TNFRSF21: variants seen among roughly 807,000 people sequenced by gnomAD.
TNFRSF21 encodes TNF receptor superfamily member 21.
Under a neutral mutation model 45.6 loss-of-function variants are expected in TNFRSF21, and 19 were observed. That is an observed-to-expected ratio of 0.42 (90% CI 0.29 to 0.61). TNFRSF21 has a LOEUF of 0.61. TNFRSF21 is among the 20% of genes least tolerant of loss of function. TNFRSF21 has a pLI of 0.23. For synonymous variants in TNFRSF21, 314 were observed against 335.5 expected, an observed-to-expected ratio of 0.94 and a Z score of 0.70; for missense variants, 737 against 851.5, an observed-to-expected ratio of 0.87 and a Z score of 1.67.
At chr6:47,252,640 G>A (rs757292990) in intron 4 of TNFRSF21, among the ~76,000 whole-genome samples, 13 of 152,196 alleles carry the variant, frequency 8.5e-5, no homozygotes, top group Non-Finnish European at 1.5e-4. Flanking sequence ...AAGCTAATAT[G>A]TACCAGAGCC....
At chr6:47,249,138 C>A (rs561429152) in intron 4 of TNFRSF21, among the ~76,000 whole-genome samples, 1 of 152,336 alleles carries the variant, frequency 6.6e-6, no homozygotes, top group South Asian at 2.1e-4. Flanking sequence ...CTCCTCCCAA[C>A]CTCTTGGATT....
intron 3 of TNFRSF21, among the ~76,000 whole-genome samples, chr6:47,268,735 G>A (rs770011684): frequency 2.0e-5 from 3 of 152,006 alleles, no homozygotes; most frequent in Non-Finnish European, 4.4e-5. Flanking sequence ...AACCATTACC[G>A]GTGTCATCCA....
intron 4 of TNFRSF21, among the ~76,000 whole-genome samples, chr6:47,236,779 T>A (rs894675959): frequency 7.2e-5 from 11 of 152,218 alleles, no homozygotes; most frequent in Admixed American, 6.5e-5. Flanking sequence ...CCAACACACT[T>A]TTTTAATTCA....
At chr6:47,259,840 G>C (rs1765046236) in intron 3 of TNFRSF21, among the ~76,000 whole-genome samples, 1 of 152,200 alleles carries the variant, frequency 6.6e-6, no homozygotes, top group Non-Finnish European at 1.5e-5. Flanking sequence ...AGGATGGGAA[G>C]GATCAGGTAG....
chr6:47,246,562 C>G (rs1486622161), intron 4 of TNFRSF21, among the ~76,000 whole-genome samples: 1 of 152,134 alleles, frequency 6.6e-6, no homozygotes, highest in Non-Finnish European at 1.5e-5. Flanking sequence ...ATTCAAAGTT[C>G]AATATCTAGC....
At chr6:47,294,613 G>A (rs1431591499) in intron 1 of TNFRSF21, among the ~76,000 whole-genome samples, 1 of 152,146 alleles carries the variant, frequency 6.6e-6, no homozygotes, top group Admixed American at 6.5e-5. Context: ...ACTACAAATG[G>A]CTTACAAGAA....
At chr6:47,236,675 T>A (rs6939510) in intron 4 of TNFRSF21, among the ~76,000 whole-genome samples, 9,964 of 152,264 alleles carry the variant, frequency 0.065, 405 homozygotes, top group African/African-American at 0.11. Flanking sequence ...CTTTCTGACC[T>A]ACAGACAAAT....
chr6:47,252,697 G>C (rs192858271), intron 4 of TNFRSF21, among the ~76,000 whole-genome samples: 2 of 152,270 alleles, frequency 1.3e-5, no homozygotes, highest in Admixed American at 1.3e-4. Context: ...GGGCTTATTA[G>C]CTATAAAGAA....
intron 1 of TNFRSF21, among the ~76,000 whole-genome samples, chr6:47,297,502 T>C (rs1336981884): frequency 6.7e-6 from 1 of 149,314 alleles, no homozygotes; most frequent in East Asian, 2.0e-4. Flanking sequence ...AAATCCTTTC[T>C]CTTTTTACTT....
intron 1 of TNFRSF21, among the ~76,000 whole-genome samples, chr6:47,303,400 A>G (rs569063739): frequency 8.2e-4 from 125 of 152,242 alleles, no homozygotes; most frequent in Non-Finnish European, 1.3e-3. Flanking sequence ...TCTGATCCCC[A>G]CCCACACCCT....
At chr6:47,281,703 G>T (rs996163458) in intron 3 of TNFRSF21, among the ~76,000 whole-genome samples, 2 of 152,052 alleles carry the variant, frequency 1.3e-5, no homozygotes, top group African/African-American at 4.8e-5. Flanking sequence ...TTTTTACGTA[G>T]AGAGAGCAAA....
In TNFRSF21 at chr6:47,309,493, T is replaced by C; in HGVS notation, c.19A>G (p.Ser7Gly). The C allele has an allele frequency of 1.3e-6, 2 of 1,516,680 alleles. No homozygotes were observed. The highest frequency in any genetic ancestry group is 1.8e-6 in the Non-Finnish European group (2 of 1,140,102). The allele number at this position is 1,516,680 out of a possible 1,614,324, so 94.0% of individuals were successfully genotyped here. ...CTGCAGGAGGCGAGGGCGGTGCTGC[T>C]GCTCGGAGAGGTCCCCATGGCTGAA... MGTSPS[S>G]STALASCSRI... is the part of the protein sequence containing the mutation. The change falls in exon 1 of 6, where the codon AGC becomes GGC. Residue 7 changes from serine (S) to glycine (G), a missense_variant. Transcript: ENST00000296861.
intron 4 of TNFRSF21, among the ~76,000 whole-genome samples, chr6:47,239,447 T>G (rs1465752251): frequency 3.9e-5 from 6 of 152,082 alleles, no homozygotes; most frequent in Non-Finnish European, 7.4e-5. Context: ...GGCAGAGCCA[T>G]GGATGGTAAA....
chr6:47,259,402 C>T (rs1193989563), intron 3 of TNFRSF21, among the ~76,000 whole-genome samples: 1 of 151,300 alleles, frequency 6.6e-6, no homozygotes, highest in Admixed American at 6.6e-5. Flanking sequence ...CGGAGTCTCA[C>T]TCAGTCACCC....
Position 47,232,669 on chromosome 6 carries a change from A to T in TNFRSF21, c.*96T>A. 9.1e-7 allele frequency: 1 copy of T among 1,098,682 alleles called. No homozygotes were observed. Among genetic ancestry groups the T allele is most frequent in the South Asian group, 1.4e-5 (1 of 70,610 alleles). The allele number at this position is 1,098,682 out of a possible 1,614,324, so 68.1% of individuals were successfully genotyped here. ...CACACACACACACACAAACACACAC[A>T]CACACCCCAAACAACAAAAATCAGA... On this transcript the variant is annotated 3_prime_UTR_variant, in exon 6 of 6. Transcript: ENST00000296861.
chr6:47,258,428 G>A (rs1316941203), intron 3 of TNFRSF21, among the ~76,000 whole-genome samples: 2 of 149,052 alleles, frequency 1.3e-5, no homozygotes, highest in African/African-American at 5.0e-5. Context: ...CACCAAAATG[G>A]CAAAGACCAC....
chr6:47,287,652 T>C (rs1280131363), intron 1 of TNFRSF21, among the ~76,000 whole-genome samples: 2 of 152,210 alleles, frequency 1.3e-5, no homozygotes, highest in Admixed American at 1.3e-4. Flanking sequence ...TCAAGTCATG[T>C]ATGCTACTCT....
chr6:47,299,198 A>T (rs1258948159), intron 1 of TNFRSF21, among the ~76,000 whole-genome samples: 4 of 152,240 alleles, frequency 2.6e-5, no homozygotes, highest in Admixed American at 2.6e-4. Flanking sequence ...AGGTTTAAAA[A>T]TATAAATCTC....
At chr6:47,248,761 C>T (rs1301312786) in intron 4 of TNFRSF21, among the ~76,000 whole-genome samples, 1 of 152,230 alleles carries the variant, frequency 6.6e-6, no homozygotes, top group African/African-American at 2.4e-5. Flanking sequence ...CCCCACCCAA[C>T]ACTAAGTGAC....
Sources: gnomAD v4.1 joint callset for allele counts (sites outside exome capture counted in the v4.1 genomes callset) on GRCh38, gnomAD v4.1.1 for gene constraint, MANE v1.5 for transcripts, NCBI Gene and HGNC (gene_info 2026-07-23, HGNC 2026-07-21) for gene names.